The following COP1 variants were observed in gnomAD, a reference collection of about 807,000 sequenced individuals.
The protein encoded by COP1 is COP1 E3 ubiquitin ligase.
A neutral mutation model predicts 101.3 loss-of-function variants in COP1; 24 were observed. The ratio of observed to expected loss-of-function variants is 0.24; its 90% CI spans 0.17 to 0.33. The LOEUF (loss-of-function observed/expected upper bound fraction) is 0.33, where lower values mean the gene tolerates loss of function less well. Among genes scored for constraint, COP1 ranks in the 10% least tolerant of loss-of-function variants. The probability of loss-of-function intolerance (pLI) is 1.00; values close to 1 mark genes in which losing one functional copy is unlikely to be tolerated. For missense variants in COP1, 663 were observed against 906.2 expected (o/e 0.73, Z 3.45); for synonymous variants, 347 against 341.9 (o/e 1.01, Z -0.17).
At chr1:176,061,024 A>G (rs889610959) in intron 11 of COP1, among the ~76,000 whole-genome samples, 24 of 152,246 alleles carry the variant, frequency 1.6e-4, no homozygotes, top group South Asian at 4.1e-4. Context: ...AAAGAGTAAC[A>G]AAGACGGAGA....
intron 8 of COP1, among the ~76,000 whole-genome samples, chr1:176,117,315 C>T (rs891431890): frequency 1.3e-5 from 2 of 152,038 alleles, no homozygotes; most frequent in Non-Finnish European, 2.9e-5. Flanking sequence ...TACTAGTTTC[C>T]TCTGCTCTGG....
intron 11 of COP1, among the ~76,000 whole-genome samples, chr1:176,077,240 T>C (rs1678217687): frequency 6.6e-6 from 1 of 152,102 alleles, no homozygotes; most frequent in African/African-American, 2.4e-5. Flanking sequence ...ATACTCTGTA[T>C]TTGTTCAGCT....
At chr1:176,054,603 T>C (rs760118014) in intron 11 of COP1, among the ~76,000 whole-genome samples, 2 of 152,196 alleles carry the variant, frequency 1.3e-5, no homozygotes, top group African/African-American at 2.4e-5. Flanking sequence ...TTTCTTGTCA[T>C]TCCGAACGAT....
chr1:176,161,425 C>T (rs1227708257), intron 5 of COP1, among the ~76,000 whole-genome samples: 4 of 151,622 alleles, frequency 2.6e-5, no homozygotes, highest in East Asian at 3.9e-4. Context: ...CCTGTATCTA[C>T]AAAAAATAAA....
chr1:175,964,935 T>C (rs1651816811), intron 18 of COP1, among the ~76,000 whole-genome samples: 1 of 152,244 alleles, frequency 6.6e-6, no homozygotes, highest in Non-Finnish European at 1.5e-5. Context: ...ATTCTCTTTA[T>C]GAACACAAAT....
chr1:176,028,401 C>T (rs1454512979), intron 14 of COP1, among the ~76,000 whole-genome samples: 7 of 151,184 alleles, frequency 4.6e-5, no homozygotes, highest in Non-Finnish European at 1.0e-4. Context: ...CCTGCCTCTA[C>T]TAAAAATACA....
chr1:176,155,720 A>C (rs1290671376), intron 5 of COP1, among the ~76,000 whole-genome samples: 1 of 152,118 alleles, frequency 6.6e-6, no homozygotes, highest in Non-Finnish European at 1.5e-5. Flanking sequence ...AACATAGTCA[A>C]ATTGCTGAAA....
intron 11 of COP1, among the ~76,000 whole-genome samples, chr1:176,074,473 A>G (rs1466655407): frequency 6.6e-6 from 1 of 152,054 alleles, no homozygotes; most frequent in East Asian, 1.9e-4. Flanking sequence ...AAAAACATTA[A>G]TTTGGTGTAA....
Position 176,046,157 on chromosome 1 carries a change from A to C in COP1, c.1421+24T>G, listed in dbSNP as rs978584959. 3 of 1,581,538 alleles carry C rather than the reference A, an allele frequency of 1.9e-6. No individual in the cohort carries two copies. The African/African-American group carries it at 4.1e-5, about 22-fold the overall frequency. On this transcript the variant is annotated intron_variant, in intron 12 of 19. Transcript: ENST00000367669. Reference sequence around the variant, plus strand: ...CAAATTGTTACATCTATACTGCATCATGTCAAGAAAATAATGTAAATACCT... The same window carrying C: ...CAAATTGTTACATCTATACTGCATCCTGTCAAGAAAATAATGTAAATACCT...
Position 176,081,270 on chromosome 1 carries a change from T to C in COP1, c.1159A>G (p.Ser387Gly). ...CATTCCTGAAATTCATCCAACTGGC[T>C]TGCAGTTCGACTGTCATCTATATGA... is the stretch of plus-strand genomic sequence containing the variant. ...SRISDDSRTA[S>G]QLDEFQECLS... The change falls in exon 11 of 20, where the codon AGC (serine) becomes GGC (glycine). Residue 387 changes from serine (S) to glycine (G), a missense_variant. Around this residue, in one of 4 missense-constraint regions of COP1, gnomAD observed 212 missense variants for 240.7 expected, o/e 0.88. Transcript: ENST00000367669. 1.2e-6 allele frequency: 2 copies of C among 1,605,832 alleles called. No individual in the cohort carries two copies. Among genetic ancestry groups the C allele is most frequent in the African/African-American group, 1.3e-5 (1 of 74,212 alleles).
chr1:176,050,052 T>A (rs1418095961), intron 11 of COP1, among the ~76,000 whole-genome samples: 1 of 152,210 alleles, frequency 6.6e-6, no homozygotes, highest in Admixed American at 6.5e-5. Flanking sequence ...TTTATAAAAA[T>A]TTACTGCATG....
intron 9 of COP1, chr1:176,100,195 G>C (rs1172745425): frequency 5.4e-6 from 1 of 183,692 alleles, no homozygotes; most frequent in South Asian, 7.1e-5. Flanking sequence ...TTCGAGACCA[G>C]CCTGGCCAAC....
At chr1:176,145,382 C>T (rs530759184) in intron 6 of COP1, among the ~76,000 whole-genome samples, 29 of 72,778 alleles carry the variant, frequency 4.0e-4, no homozygotes, top group African/African-American at 2.7e-3. Context: ...AACAGAAATG[C>T]TCATACAATG....
At chr1:176,000,175 G>T (rs1176912615) in intron 15 of COP1, among the ~76,000 whole-genome samples, 1 of 151,922 alleles carries the variant, frequency 6.6e-6, no homozygotes, top group Non-Finnish European at 1.5e-5. Flanking sequence ...AGAAATTTTT[G>T]CTTAGACCAA....
At chr1:176,004,922 G>A (rs946415751) in intron 15 of COP1, among the ~76,000 whole-genome samples, 5 of 151,692 alleles carry the variant, frequency 3.3e-5, no homozygotes, top group African/African-American at 1.2e-4. Flanking sequence ...GTTTCAGAAG[G>A]AATGGTACCA....
intron 5 of COP1, among the ~76,000 whole-genome samples, chr1:176,150,361 G>A (rs1197303147): frequency 6.6e-6 from 1 of 152,148 alleles, no homozygotes; most frequent in East Asian, 1.9e-4. Flanking sequence ...TTTTACAACT[G>A]AATAAATTTC....
chr1:176,067,623 C>T (rs567759700), intron 11 of COP1, among the ~76,000 whole-genome samples: 44 of 152,252 alleles, frequency 2.9e-4, no homozygotes, highest in African/African-American at 1.0e-3. Context: ...CCATCAACCT[C>T]CCTAACAGCT....
At chr1:176,079,805 G>A (rs1337386768) in intron 11 of COP1, among the ~76,000 whole-genome samples, 2 of 152,130 alleles carry the variant, frequency 1.3e-5, no homozygotes, top group Admixed American at 6.6e-5. Flanking sequence ...ATGGTTATGT[G>A]AGGAATTAGT....
intron 11 of COP1, among the ~76,000 whole-genome samples, chr1:176,062,947 T>C (rs1027487411): frequency 6.6e-6 from 1 of 152,178 alleles, no homozygotes; most frequent in Non-Finnish European, 1.5e-5. Context: ...GGTTGAATTA[T>C]TGTATAGTGA....
Sources: gnomAD v4.1 joint callset for allele counts (sites outside exome capture counted in the v4.1 genomes callset) on GRCh38, gnomAD v4.1.1 for gene constraint, gnomAD v4.1.1 regional missense constraint, MANE v1.5 for transcripts, NCBI Gene and HGNC (gene_info 2026-07-23, HGNC 2026-07-21) for gene names.